The following TRMT44 variants were observed in gnomAD, a reference collection of about 807,000 sequenced individuals.
TRMT44 encodes the protein tRNA methyltransferase 44 homolog, also known as probable tRNA (uracil-O(2)-)-methyltransferase.
In TRMT44, 78 loss-of-function variants were observed where a neutral mutation model predicts 77.3. The observed-to-expected ratio is 1.01, with a 90% CI of 0.84 to 1.22. TRMT44 has a LOEUF of 1.22. Among genes scored for constraint, TRMT44 ranks in the 50% most tolerant of loss-of-function variants. The pLI is 0.00. For missense variants in TRMT44, 1,090 were observed against 964.4 expected (o/e 1.13, Z -1.73); for synonymous variants, 391 against 383.3 (o/e 1.02, Z -0.23).
chr4:8,495,609 G>A (rs958553777), downstream of TRMT44, among the ~76,000 whole-genome samples: 18 of 152,310 alleles, frequency 1.2e-4, no homozygotes, highest in South Asian at 3.7e-3. Context: ...CACAAAGGCA[G>A]CCCTCAAATT....
At chr4:8,459,745 T>C (rs1726033878) in intron 6 of TRMT44, among the ~76,000 whole-genome samples, 1 of 152,164 alleles carries the variant, frequency 6.6e-6, no homozygotes. Flanking sequence ...TTATCACATA[T>C]TTGAGTGTCC....
At chr4:8,494,505 A>T (rs1445364506), downstream of TRMT44, among the ~76,000 whole-genome samples, 2 of 152,210 alleles carry the variant, frequency 1.3e-5, no homozygotes, top group Non-Finnish European at 2.9e-5. Context: ...TCGAGGACTC[A>T]AAAGAACACA....
intron 2 of TRMT44, among the ~76,000 whole-genome samples, chr4:8,490,799 C>T (rs1265441220): frequency 2.6e-5 from 4 of 152,184 alleles, no homozygotes; most frequent in African/African-American, 7.2e-5. Flanking sequence ...ATTCTCTTAT[C>T]TGGCCCCACC....
At chr4:8,496,893 A>C (rs1446221057), downstream of TRMT44, among the ~76,000 whole-genome samples, 1 of 152,048 alleles carries the variant, frequency 6.6e-6, no homozygotes, top group East Asian at 1.9e-4. Context: ...AAAAGAGCCC[A>C]TAAGAGGCCT....
intron 8 of TRMT44, among the ~76,000 whole-genome samples, chr4:8,466,332 G>A (rs1027727848): frequency 3.4e-5 from 5 of 148,844 alleles, no homozygotes; most frequent in East Asian, 1.9e-4. Context: ...GGCTGATCGC[G>A]GAGCTCCGCT....
At position 8,451,655 on chromosome 4, in the gene TRMT44, T is replaced by C. The variant is rs1319716860; in HGVS notation, c.955-305T>C. Among the ~76,000 whole-genome samples the C allele has an allele frequency of 1.3e-5, 2 of 152,226 alleles. No individual in the cohort carries two copies. The highest frequency in any genetic ancestry group is 2.9e-5 in the Non-Finnish European group (2 of 68,030). The stretch of plus-strand genomic sequence containing the variant: ...TCCTTGTTTGTTGCCCTTATCTGCA[T>C]AGACAATGAGCACAGTGTAGCTAAG... On this transcript the variant is annotated intron_variant, in intron 3 of 10. Transcript: ENST00000389737. This position sits in a 1 kb window ranked among gnomAD's most constrained non-coding sequence, Gnocchi z 4.1.
intron 9 of TRMT44, among the ~76,000 whole-genome samples, chr4:8,469,125 C>T (rs866707942): frequency 2.0e-5 from 3 of 152,238 alleles, no homozygotes; most frequent in Non-Finnish European, 4.4e-5. Context: ...AAATCATACC[C>T]GTTTCCTTCT....
chr4:8,490,074 G>T (rs1368831348), intron 2 of TRMT44, among the ~76,000 whole-genome samples: 1 of 152,154 alleles, frequency 6.6e-6, no homozygotes, highest in African/African-American at 2.4e-5. Context: ...GGCCCCCACA[G>T]AGGCAATTCA....
At position 8,493,487 on chromosome 4, in the gene TRMT44, G is replaced by C. The variant is rs1195419321; in HGVS notation, n.4113G>C. The C allele has an allele frequency of 2.6e-5, 4 of 152,110 alleles. No homozygotes were observed. In the East Asian group the frequency reaches 7.7e-4, roughly 29 times the overall value. The allele number at this position is 152,110 out of a possible 1,614,324, so 9.4% of individuals were successfully genotyped here. A position where few individuals can be genotyped will look rare whatever the true frequency, so the allele number is the denominator to read the frequency against. ...CCTGAGTTTTCAGAGAGACTGATTT[G>C]AATAATAATAAAACTCCGGTCTTCC... On this transcript the variant is annotated non_coding_transcript_exon_variant, in exon 3 of 3. Coordinates refer to the TRMT44 transcript ENST00000511366.
At chr4:8,459,602 A>G (rs1726027338) in intron 6 of TRMT44, among the ~76,000 whole-genome samples, 1 of 152,160 alleles carries the variant, frequency 6.6e-6, no homozygotes, top group South Asian at 2.1e-4. Flanking sequence ...TCCTACCTGG[A>G]CTTTAAAGAT....
At chr4:8,489,801 A>G (rs111406240) in intron 2 of TRMT44, among the ~76,000 whole-genome samples, 9,849 of 152,246 alleles carry the variant, frequency 0.065, 616 homozygotes, top group African/African-American at 0.16. Flanking sequence ...AAATTATAAT[A>G]GGCTTTGCCC....
At chr4:8,486,570 C>T (rs1218978166) in intron 2 of TRMT44, among the ~76,000 whole-genome samples, 2 of 150,176 alleles carry the variant, frequency 1.3e-5, no homozygotes, top group South Asian at 2.1e-4. Flanking sequence ...TGAGAATAGA[C>T]GGCCTTCTGA....
At chr4:8,489,579 C>A (rs1008300624) in intron 2 of TRMT44, among the ~76,000 whole-genome samples, 1 of 152,114 alleles carries the variant, frequency 6.6e-6, no homozygotes, top group Non-Finnish European at 1.5e-5. Flanking sequence ...CAGGTTCAAG[C>A]GATTCTCCTG....
At chr4:8,496,400 C>G (rs2109243425), downstream of TRMT44, among the ~76,000 whole-genome samples, 1 of 152,344 alleles carries the variant, frequency 6.6e-6, no homozygotes, top group African/African-American at 2.4e-5. Context: ...CCTTGGTCAC[C>G]TCATCTGTTA....
intron 10 of TRMT44, 44 bp downstream of exon 10, chr4:8,471,244 C>T (rs528007501): frequency 1.2e-4 from 157 of 1,310,928 alleles, no homozygotes; most frequent in Non-Finnish European, 1.5e-4. Flanking sequence ...CTTCTTTTTC[C>T]CCCTTTTTTC....
At chr4:8,515,221 C>T in the TRMT44 span, among the ~76,000 whole-genome samples, 3,984 of 152,296 alleles carry the variant, frequency 0.026, 151 homozygotes, top group African/African-American at 0.087. Flanking sequence ...CCCGCCTTGG[C>T]CTCCCAAAGT....
chr4:8,476,003 C>G lies in TRMT44; in HGVS notation c.*2C>G. 3 of 1,613,120 alleles carry G rather than the reference C, an allele frequency of 1.9e-6. No individual in the cohort carries two copies. Among genetic ancestry groups the G allele is most frequent in the East Asian group, 2.2e-5 (1 of 44,864 alleles). ...ACCCCGAGGAAGAAGATTTCATGAG[C>G]TGCATCCTTGCCAGCCGAGGCCTGG... On this transcript the variant is annotated 3_prime_UTR_variant, in exon 11 of 11. Transcript: ENST00000389737.
intron 6 of TRMT44, among the ~76,000 whole-genome samples, chr4:8,458,734 TG>T (rs1455966781): frequency 4.6e-5 from 7 of 152,086 alleles, no homozygotes; most frequent in Non-Finnish European, 7.4e-5. Flanking sequence ...TGATTACAGG[TG>T]TGAACCACTG....
rs28860567 is a variant in TRMT44, at chr4:8,487,888, C to G, written n.3892-5378C>G. Among the ~76,000 whole-genome samples, 4 of 152,048 alleles carry G rather than the reference C, an allele frequency of 2.6e-5. No individual in the cohort carries two copies. In the South Asian group the frequency reaches 8.3e-4, roughly 32 times the overall value. ...CTGGGTGAATAGTCAGAGAGGCGTCCCTGCAATGATTAAACACCAAGGGAA... is the reference window on the plus strand; with the variant it reads ...CTGGGTGAATAGTCAGAGAGGCGTCGCTGCAATGATTAAACACCAAGGGAA... On this transcript the variant is annotated intron_variant and non_coding_transcript_variant, in intron 2 of 2. Transcript: ENST00000511366.
Sources: allele counts gnomAD v4.1 joint callset (sites outside exome capture counted in the v4.1 genomes callset), GRCh38; gene constraint gnomAD v4.1.1; non-coding constraint Gnocchi (gnomAD v3.1); transcripts MANE v1.5; gene names NCBI Gene and HGNC (gene_info 2026-07-23, HGNC 2026-07-21).